TAFA5: variants seen among roughly 807,000 people sequenced by gnomAD.
The protein encoded by TAFA5 is chemokine-like protein TAFA-5.
In TAFA5, 6 loss-of-function variants were observed where a neutral mutation model predicts 15.3. The ratio of observed to expected loss-of-function variants is 0.39; its 90% CI spans 0.21 to 0.77. The LOEUF is 0.77. Among genes scored for constraint, TAFA5 ranks in the 30% least tolerant of loss-of-function variants. TAFA5 has a pLI of 0.41. For missense variants in TAFA5, 161 were observed against 193.1 expected, an observed-to-expected ratio of 0.83 and a Z score of 0.98; for synonymous variants, 103 against 80.7, an observed-to-expected ratio of 1.28 and a Z score of -1.48.
At chr22:48,599,052 G>A (rs1428977339) in intron 1 of TAFA5, among the ~76,000 whole-genome samples, 4 of 152,186 alleles carry the variant, frequency 2.6e-5, no homozygotes, top group Admixed American at 2.6e-4. Context: ...TCCTCTCTGG[G>A]CAAGCCGTCC....
chr22:48,556,579 G>A (rs1389136722), intron 1 of TAFA5, among the ~76,000 whole-genome samples: 3 of 152,238 alleles, frequency 2.0e-5, no homozygotes, highest in East Asian at 1.9e-4. Context: ...GGGGTGTCCC[G>A]AAGAGGCGCT....
In TAFA5 at chr22:48,492,115, A is replaced by G. The variant is rs367655721; in HGVS notation, c.112+2411A>G. ...ATTTATAGCTTGGAACTGCAGTCCT[A>G]GAGAAAAAAAATCCCCCCCCCTTTT... On this transcript the variant is annotated intron_variant, in intron 1 of 3. Transcript: ENST00000402357. Among the ~76,000 whole-genome samples, 429 of 145,284 alleles carry G rather than the reference A, an allele frequency of 3.0e-3. 7 individuals are homozygous for G. The highest frequency in any genetic ancestry group is 0.01 in the African/African-American group (415 of 40,316).
chr22:48,527,346 C>T (rs76553199), intron 1 of TAFA5, among the ~76,000 whole-genome samples: 2,834 of 152,366 alleles, frequency 0.019, 36 homozygotes, highest in Middle Eastern at 0.054. Flanking sequence ...AGCTGGTACT[C>T]CTGTGTTTCT....
chr22:48,706,667 A>G (rs1929087944), intron 2 of TAFA5, among the ~76,000 whole-genome samples: 1 of 152,240 alleles, frequency 6.6e-6, no homozygotes, highest in Non-Finnish European at 1.5e-5. Flanking sequence ...ACTGCCGGGC[A>G]GGTGTTTGGT....
At chr22:48,660,535 G>A (rs925552641) in intron 2 of TAFA5, among the ~76,000 whole-genome samples, 23 of 152,212 alleles carry the variant, frequency 1.5e-4, no homozygotes, top group Non-Finnish European at 2.4e-4. Context: ...CTTTCCAGCC[G>A]ATAAAATGCC....
chr22:48,726,041 G>A (rs1483394734), intron 3 of TAFA5, among the ~76,000 whole-genome samples: 1 of 152,166 alleles, frequency 6.6e-6, no homozygotes, highest in Non-Finnish European at 1.5e-5. Flanking sequence ...TAAGAAAATA[G>A]AAAGACAAGA....
chr22:48,661,112 C>T (rs1480170663), intron 2 of TAFA5, among the ~76,000 whole-genome samples: 1 of 152,186 alleles, frequency 6.6e-6, no homozygotes, highest in Admixed American at 6.5e-5. Flanking sequence ...ATCATGAGAG[C>T]ACGTACGGGG....
intron 1 of TAFA5, among the ~76,000 whole-genome samples, chr22:48,536,458 C>T (rs773761342): frequency 1.1e-4 from 17 of 152,250 alleles, no homozygotes; most frequent in South Asian, 6.2e-4. Context: ...GGGTGGGTAA[C>T]GAGCGCGCAC....
intron 1 of TAFA5, among the ~76,000 whole-genome samples, chr22:48,509,978 GA>G (rs67317231): frequency 9.6e-5 from 8 of 83,334 alleles, no homozygotes; most frequent in African/African-American, 2.3e-4. Context: ...AAAAGAAAAA[GA>G]AAAAAGAAAA....
At chr22:48,569,931 A>G (rs988440773) in intron 1 of TAFA5, among the ~76,000 whole-genome samples, 1 of 152,164 alleles carries the variant, frequency 6.6e-6, no homozygotes. Flanking sequence ...TGCTGGATTT[A>G]CCCCAATGTC....
chr22:48,729,629 TTTTG>T (rs984610928), intron 3 of TAFA5, among the ~76,000 whole-genome samples: 23 of 147,376 alleles, frequency 1.6e-4, no homozygotes, highest in African/African-American at 2.0e-4. Context: ...AATCTGGAAA[TTTTG>T]TTTATGTAAT....
intron 1 of TAFA5, among the ~76,000 whole-genome samples, chr22:48,581,910 A>G (rs1042620808): frequency 1.3e-4 from 20 of 152,284 alleles, no homozygotes; most frequent in Admixed American, 7.2e-4. Flanking sequence ...AGAGACACAT[A>G]GTTTTGTGGC....
intron 1 of TAFA5, among the ~76,000 whole-genome samples, chr22:48,538,743 T>C (rs1010283766): frequency 1.3e-5 from 2 of 152,166 alleles, no homozygotes; most frequent in Non-Finnish European, 2.9e-5. Flanking sequence ...CCGGAGCTCA[T>C]TGAGGGCTCC....
chr22:48,711,798 G>A (rs1455827160), intron 3 of TAFA5, among the ~76,000 whole-genome samples: 2 of 152,130 alleles, frequency 1.3e-5, no homozygotes, highest in East Asian at 1.9e-4. Flanking sequence ...GCAGCCACCC[G>A]CTCCCAGCCT....
At chr22:48,509,964 AAG>A in intron 1 of TAFA5, among the ~76,000 whole-genome samples, 1 of 86,478 alleles carries the variant, frequency 1.2e-5, no homozygotes. Flanking sequence ...AAAAAAAAAA[AAG>A]AAAAAGAAAA....
chr22:48,579,136 CT>C lies in TAFA5; in HGVS notation c.113-67460del, dbSNP rs933481946. On this transcript the variant is annotated intron_variant, in intron 1 of 3. Coordinates refer to ENST00000402357, the MANE Select transcript of TAFA5 (RefSeq NM_001082967.3). ...CACCCCGTGGCTAATCCGTCCCCCC[CT>C]GGCCACTCTGGTCTTCCAGTGTTTG... 3.0e-3 allele frequency among the ~76,000 whole-genome samples: 131 copies of C among 43,048 alleles called. 1 individual carries two copies. The highest frequency in any genetic ancestry group is 6.8e-3 in the Non-Finnish European group (93 of 13,658). 28.2% of individuals were successfully genotyped at this position (43,048 alleles called of 152,430 possible). A position where few individuals can be genotyped will look rare whatever the true frequency, so the allele number is the denominator to read the frequency against.
intron 3 of TAFA5, among the ~76,000 whole-genome samples, chr22:48,733,899 C>G (rs1159152822): frequency 2.0e-5 from 3 of 152,186 alleles, no homozygotes; most frequent in Non-Finnish European, 4.4e-5. Flanking sequence ...AGTTTGCCAA[C>G]CCCTGGACCA....
chr22:48,625,949 T>C (rs758064032), intron 1 of TAFA5, among the ~76,000 whole-genome samples: 3 of 152,246 alleles, frequency 2.0e-5, no homozygotes, highest in Non-Finnish European at 4.4e-5. Context: ...TCATAGTGCA[T>C]GCAGCCGTCT....
At chr22:48,729,344 T>C (rs565348185) in intron 3 of TAFA5, among the ~76,000 whole-genome samples, 23 of 15,320 alleles carry the variant, frequency 1.5e-3, no homozygotes, top group African/African-American at 8.6e-3. Flanking sequence ...TGTAAATATA[T>C]ATTTTTATAT....
Sources: gnomAD v4.1 joint callset for allele counts (sites outside exome capture counted in the v4.1 genomes callset) on GRCh38, gnomAD v4.1.1 for gene constraint, MANE v1.5 for transcripts, NCBI Gene and HGNC (gene_info 2026-07-23, HGNC 2026-07-21) for gene names.